SLC35F4: variants seen among roughly 807,000 people sequenced by gnomAD.
SLC35F4 encodes solute carrier family 35 member F4.
A neutral mutation model predicts 44.2 loss-of-function variants in SLC35F4; 24 were observed. That is an observed-to-expected ratio of 0.54 (90% CI 0.39 to 0.76). The LOEUF is 0.76. SLC35F4 is among the 30% of genes least tolerant of loss of function. The pLI, the probability that SLC35F4 is intolerant of heterozygous loss-of-function variation, is 0.00. For synonymous variants in SLC35F4, 238 were observed against 223.6 expected (o/e 1.06, Z -0.57); for missense variants, 562 against 586.1 (o/e 0.96, Z 0.42).
intron 1 of SLC35F4, among the ~76,000 whole-genome samples, chr14:57,765,226 G>A (rs199735094): frequency 6.6e-6 from 1 of 152,238 alleles, no homozygotes; most frequent in Non-Finnish European, 1.5e-5. Flanking sequence ...TCTTTGAAAG[G>A]CTAAAGGGCA....
intron 2 of SLC35F4, among the ~76,000 whole-genome samples, chr14:57,590,652 C>T (rs1270812869): frequency 6.6e-6 from 1 of 152,174 alleles, no homozygotes; most frequent in East Asian, 1.9e-4. Flanking sequence ...AATTCATGTA[C>T]CTTTCAGGAA....
chr14:57,805,484 T>C (rs188176254), intron 1 of SLC35F4, among the ~76,000 whole-genome samples: 23 of 152,214 alleles, frequency 1.5e-4, no homozygotes, highest in Non-Finnish European at 2.6e-4. Flanking sequence ...ATGGATGGAA[T>C]TGGAAGCCAT....
At chr14:57,793,888 A>G (rs2077989426) in intron 1 of SLC35F4, among the ~76,000 whole-genome samples, 1 of 152,188 alleles carries the variant, frequency 6.6e-6, no homozygotes, top group African/African-American at 2.4e-5. Flanking sequence ...AACAGAATAG[A>G]TAACCCAGAA....
intron 1 of SLC35F4, among the ~76,000 whole-genome samples, chr14:57,821,903 G>A (rs2140912311): frequency 6.6e-6 from 1 of 152,326 alleles, no homozygotes; most frequent in Admixed American, 6.5e-5. Flanking sequence ...AGCAGGGCCA[G>A]GAATAGGGTT....
intron 1 of SLC35F4, among the ~76,000 whole-genome samples, chr14:57,807,860 T>C (rs927541003): frequency 6.6e-5 from 10 of 151,908 alleles, no homozygotes; most frequent in African/African-American, 2.4e-4. Context: ...AGTGGCTTAA[T>C]AGATTCACAG....
chr14:57,870,447 A>G (rs1888274414), upstream of SLC35F4, among the ~76,000 whole-genome samples: 1 of 152,238 alleles, frequency 6.6e-6, no homozygotes. Flanking sequence ...TCTCTAAAAT[A>G]GAAATATACA....
intron 1 of SLC35F4, among the ~76,000 whole-genome samples, chr14:57,717,798 T>C (rs1197025377): frequency 6.6e-6 from 1 of 152,244 alleles, no homozygotes; most frequent in Non-Finnish European, 1.5e-5. Context: ...CAATGTGTAA[T>C]AATCATAACA....
rs558091284 is a variant in SLC35F4 at position 57,633,557 on chromosome 14, T to C, written c.104-39433A>G. 3.5e-4 allele frequency among the ~76,000 whole-genome samples: 54 copies of C among 152,252 alleles called. No homozygotes were observed. In the East Asian group the frequency reaches 0.01, roughly 28 times the overall value. On this transcript the variant is annotated intron_variant, in intron 1 of 7. Transcript: ENST00000556826. Reference sequence around the variant, plus strand: ...AGACTCACATAAAAGTTGCACAACTTGTACAGAGACTTCCCATGTACCCTT... The same window carrying C: ...AGACTCACATAAAAGTTGCACAACTCGTACAGAGACTTCCCATGTACCCTT...
chr14:57,797,302 G>C lies in SLC35F4; in HGVS notation c.103+68421C>G, dbSNP rs188458478. On this transcript the variant is annotated intron_variant, in intron 1 of 7. Transcript: ENST00000556826. ...GTTCCCTCTGCCCCAGGTAATTTAT[G>C]ATTCTGTTTTTAGCATTTCCAATGT... Among the ~76,000 whole-genome samples, 96 of 152,288 alleles carry C rather than the reference G, an allele frequency of 6.3e-4. 1 individual carries two copies. Among genetic ancestry groups the C allele is most frequent in the Non-Finnish European group, 5.4e-4 (37 of 68,028 alleles).
intron 1 of SLC35F4, among the ~76,000 whole-genome samples, chr14:57,778,112 G>C (rs989528256): frequency 6.6e-6 from 1 of 152,010 alleles, no homozygotes; most frequent in Non-Finnish European, 1.5e-5. Flanking sequence ...AGATCTGATG[G>C]TTTTTAAAAA....
intron 1 of SLC35F4, among the ~76,000 whole-genome samples, chr14:57,762,036 G>A (rs190919583): frequency 1.3e-5 from 2 of 152,296 alleles, no homozygotes; most frequent in East Asian, 3.9e-4. Flanking sequence ...ATAGGTCACA[G>A]CTGGAAACAC....
rs1889543029 is a variant in SLC35F4 at position 57,925,500 on chromosome 14, AGGGAGGGAGGGAGGGAGGG to A, written n.282+56394_282+56412del. Among the ~76,000 whole-genome samples, 10 of 43,610 alleles carry A rather than the reference AGGGAGGGAGGGAGGGAGGG, an allele frequency of 2.3e-4. 1 individual carries two copies. The highest frequency in any genetic ancestry group is 1.2e-3 in the African/African-American group (10 of 8,218). The allele number at this position is 43,610 out of a possible 152,430, so 28.6% of individuals were successfully genotyped here. A position where few individuals can be genotyped will look rare whatever the true frequency, so the allele number is the denominator to read the frequency against. ...AAAGAAGGAAGGAAGGAAGGAAGGG[AGGGAGGGAGGGAGGGAGGG>A]AGGGAGGGAGGGAGGGAGGGAGGGA... On this transcript the variant is annotated intron_variant and non_coding_transcript_variant, in intron 1 of 1. Coordinates refer to the SLC35F4 transcript ENST00000556568.
chr14:57,617,169 C>T (rs2071884934), intron 1 of SLC35F4, among the ~76,000 whole-genome samples: 1 of 127,866 alleles, frequency 7.8e-6, no homozygotes, highest in Non-Finnish European at 1.6e-5. Flanking sequence ...CTCGCTCTGT[C>T]GCCCAGGCTG....
At chr14:57,796,253 C>T (rs1469584228) in intron 1 of SLC35F4, among the ~76,000 whole-genome samples, 3 of 152,190 alleles carry the variant, frequency 2.0e-5, no homozygotes, top group Non-Finnish European at 4.4e-5. Context: ...CTGTGATGAA[C>T]ATATGTGTGC....
intron 1 of SLC35F4, among the ~76,000 whole-genome samples, chr14:57,688,767 T>C (rs1670486788): frequency 6.6e-6 from 1 of 152,202 alleles, no homozygotes; most frequent in Non-Finnish European, 1.5e-5. Context: ...TACTCATTTG[T>C]TGATCTTGTG....
Position 57,778,158 on chromosome 14 carries a change from C to A in SLC35F4, c.103+87565G>T, listed in dbSNP as rs193088442. 7.4e-4 allele frequency among the ~76,000 whole-genome samples: 113 copies of A among 152,274 alleles called. 1 individual carries two copies. The East Asian group carries it at 0.019, about 25-fold the overall frequency. On this transcript the variant is annotated intron_variant, in intron 1 of 7. Coordinates refer to ENST00000556826, the MANE Select transcript of SLC35F4 (RefSeq NM_001306087.2). ...CTCTGCATAAGCTCTCTCTCTTTGC[C>A]TGCTGTCATCCATGTAACATGACTT...
chr14:57,768,601 AC>A (rs1355470016), intron 1 of SLC35F4, among the ~76,000 whole-genome samples: 1 of 152,222 alleles, frequency 6.6e-6, no homozygotes, highest in Non-Finnish European at 1.5e-5. Flanking sequence ...CCTAAAGAAA[AC>A]CCTTTGCATT....
At chr14:57,697,398 A>T (rs1288248925) in intron 1 of SLC35F4, among the ~76,000 whole-genome samples, 1 of 152,144 alleles carries the variant, frequency 6.6e-6, no homozygotes, top group South Asian at 2.1e-4. Context: ...TGATTATTAT[A>T]GAACATTTAG....
intron 1 of SLC35F4, among the ~76,000 whole-genome samples, chr14:57,656,066 T>G (rs2073957368): frequency 6.6e-6 from 1 of 151,940 alleles, no homozygotes; most frequent in South Asian, 2.1e-4. Flanking sequence ...TGCCCTTCCC[T>G]CCAGAGCAAA....
Sources: allele counts gnomAD v4.1 joint callset (sites outside exome capture counted in the v4.1 genomes callset), GRCh38; gene constraint gnomAD v4.1.1; transcripts MANE v1.5; gene names NCBI Gene and HGNC (gene_info 2026-07-23, HGNC 2026-07-21).